SLC13A3: variants seen among roughly 807,000 people sequenced by gnomAD.
SLC13A3 encodes the protein Na(+)/dicarboxylate cotransporter 3.
In SLC13A3, 40 loss-of-function variants were observed where a neutral mutation model predicts 59.0. The ratio of observed to expected loss-of-function variants is 0.68; its 90% CI spans 0.53 to 0.88. SLC13A3 has a LOEUF of 0.88. Ranked by LOEUF, SLC13A3 falls within the 40% of genes least tolerant of loss-of-function variation. The pLI is 0.00. For missense variants in SLC13A3, 699 were observed against 783.2 expected (o/e 0.89, Z 1.28); for synonymous variants, 317 against 330.3 (o/e 0.96, Z 0.44).
At chr20:46,651,535 C>G (rs1776912367), upstream of SLC13A3, 1 of 1,320,546 alleles carries the variant, frequency 7.6e-7, no homozygotes, top group Admixed American at 4.2e-5. Flanking sequence ...AACCCGCCCT[C>G]TCCCTGCTCC....
chr20:46,652,773 C>G (rs2062961395), upstream of SLC13A3, among the ~76,000 whole-genome samples: 1 of 152,064 alleles, frequency 6.6e-6, no homozygotes, highest in Non-Finnish European at 1.5e-5. Context: ...TACAGGAGTG[C>G]AACTGTTGGG....
chr20:46,575,295 C>A (rs1447264057), intron 10 of SLC13A3, among the ~76,000 whole-genome samples: 1 of 152,212 alleles, frequency 6.6e-6, no homozygotes, highest in Non-Finnish European at 1.5e-5. Context: ...TCTGAAGTCA[C>A]AGAGCCCTCG....
intron 8 of SLC13A3, chr20:46,585,811 G>A (rs2062185302): frequency 1.6e-6 from 2 of 1,262,548 alleles, no homozygotes; most frequent in Non-Finnish European, 2.0e-6. Flanking sequence ...GAGCTTCATG[G>A]CTTCATGAAA....
chr20:46,674,772 C>T (rs1436173925), upstream of SLC13A3, among the ~76,000 whole-genome samples: 1 of 152,040 alleles, frequency 6.6e-6, no homozygotes, highest in Non-Finnish European at 1.5e-5. Context: ...AAATCCCAGG[C>T]ACCATGGTAG....
intron 1 of SLC13A3, among the ~76,000 whole-genome samples, chr20:46,636,369 G>A (rs1001915630): frequency 2.0e-5 from 3 of 152,192 alleles, no homozygotes; most frequent in South Asian, 2.1e-4. Flanking sequence ...TAGAATAGTA[G>A]CTGGTACCTA....
chr20:46,587,420 C>G (rs1468790236), intron 8 of SLC13A3, among the ~76,000 whole-genome samples: 4 of 152,132 alleles, frequency 2.6e-5, no homozygotes, highest in Non-Finnish European at 5.9e-5. Flanking sequence ...CTGGCCCTCC[C>G]CTACCTTTCC....
intron 1 of SLC13A3, among the ~76,000 whole-genome samples, chr20:46,661,450 T>A (rs1221628497): frequency 6.6e-6 from 1 of 152,202 alleles, no homozygotes; most frequent in Non-Finnish European, 1.5e-5. Flanking sequence ...GATTTAGAAC[T>A]TTTCCTTCAG....
At chr20:46,627,214 T>C (rs1459010643) in intron 1 of SLC13A3, among the ~76,000 whole-genome samples, 1 of 152,222 alleles carries the variant, frequency 6.6e-6, no homozygotes, top group Non-Finnish European at 1.5e-5. Context: ...ATTTCAGGCA[T>C]TTCAAACTCA....
intron 1 of SLC13A3, among the ~76,000 whole-genome samples, chr20:46,618,397 G>C (rs1399152092): frequency 6.6e-6 from 1 of 152,238 alleles, no homozygotes; most frequent in East Asian, 1.9e-4. Context: ...TCAGCCAGTG[G>C]GGTCTGAGAA....
At chr20:46,607,870 A>AT (rs1362192370) in intron 3 of SLC13A3, among the ~76,000 whole-genome samples, 1 of 152,144 alleles carries the variant, frequency 6.6e-6, no homozygotes, top group African/African-American at 2.4e-5. Context: ...CTCAATTTCC[A>AT]TTTCTGTAAA....
chr20:46,672,577 C>G (rs1053151785), upstream of SLC13A3, among the ~76,000 whole-genome samples: 1 of 152,130 alleles, frequency 6.6e-6, no homozygotes, highest in African/African-American at 2.4e-5. Context: ...TCCTGTGACA[C>G]CCTTTCCACT....
chr20:46,640,137 C>T lies in SLC13A3; in HGVS notation c.111+11174G>A, dbSNP rs550712589. Among the ~76,000 whole-genome samples, 133 of 152,260 alleles carry T rather than the reference C, an allele frequency of 8.7e-4. 1 individual carries two copies. Among genetic ancestry groups the T allele is most frequent in the African/African-American group, 2.1e-3 (87 of 41,556 alleles). On this transcript the variant is annotated intron_variant, in intron 1 of 12. Coordinates refer to ENST00000279027, the MANE Select transcript of SLC13A3 (RefSeq NM_022829.6). ...GGCTGTGGCTCTTTTGAAGTCTCCT[C>T]GGGGGACAGAGGAGAGTGCAAGAAT...
At chr20:46,674,596 C>T (rs1381835140), upstream of SLC13A3, among the ~76,000 whole-genome samples, 6 of 70,450 alleles carry the variant, frequency 8.5e-5, no homozygotes, top group African/African-American at 9.1e-5. Flanking sequence ...AGTGCGCGCG[C>T]GCGCGCGCGT....
At chr20:46,597,215 G>A (rs2062322407) in intron 4 of SLC13A3, among the ~76,000 whole-genome samples, 1 of 151,866 alleles carries the variant, frequency 6.6e-6, no homozygotes, top group Non-Finnish European at 1.5e-5. Flanking sequence ...TGTTTTTCTT[G>A]TACAGTTAAA....
chr20:46,587,620 T>G (rs1196521141), intron 8 of SLC13A3, among the ~76,000 whole-genome samples: 1 of 152,216 alleles, frequency 6.6e-6, no homozygotes, highest in African/African-American at 2.4e-5. Context: ...CCTGCTCTAT[T>G]ATTTTATAGC....
At chr20:46,661,021 G>A (rs758974633) in intron 1 of SLC13A3, among the ~76,000 whole-genome samples, 1 of 151,982 alleles carries the variant, frequency 6.6e-6, no homozygotes, top group Non-Finnish European at 1.5e-5. Context: ...ATTTGTTTAT[G>A]CATGTTGTTC....
chr20:46,582,608 A>AAG, intron 9 of SLC13A3: 1 of 983,644 alleles, frequency 1.0e-6, no homozygotes, highest in Non-Finnish European at 1.2e-6. Flanking sequence ...ATTAAAAAAA[A>AAG]AAGAAGAAGA....
At chr20:46,594,475 C>G (rs992199744) in intron 5 of SLC13A3, among the ~76,000 whole-genome samples, 10 of 152,066 alleles carry the variant, frequency 6.6e-5, no homozygotes, top group Non-Finnish European at 1.3e-4. Flanking sequence ...CCCACATCTT[C>G]CTGTCCAGCC....
intron 1 of SLC13A3, among the ~76,000 whole-genome samples, chr20:46,635,379 G>A (rs1293058268): frequency 2.0e-5 from 3 of 152,138 alleles, no homozygotes; most frequent in African/African-American, 4.8e-5. Context: ...AAGCACAGCC[G>A]CGTCCATGCA....
Sources: allele counts gnomAD v4.1 joint callset (sites outside exome capture counted in the v4.1 genomes callset), GRCh38; gene constraint gnomAD v4.1.1; transcripts MANE v1.5; gene names NCBI Gene and HGNC (gene_info 2026-07-23, HGNC 2026-07-21).